CAMTA1: variants seen among roughly 807,000 people sequenced by gnomAD.
CAMTA1 encodes calmodulin binding transcription activator 1.
A neutral mutation model predicts 170.9 loss-of-function variants in CAMTA1; 27 were observed. The ratio of observed to expected loss-of-function variants is 0.16; its 90% CI spans 0.12 to 0.22. The LOEUF is 0.22. Ranked by LOEUF, CAMTA1 falls within the 10% of genes least tolerant of loss-of-function variation. The probability of loss-of-function intolerance (pLI) is 1.00; values close to 1 mark genes in which losing one functional copy is unlikely to be tolerated. For synonymous variants in CAMTA1, 833 were observed against 891.5 expected (o/e 0.93, Z 1.17); for missense variants, 1,619 against 2,217.2 (o/e 0.73, Z 5.42).
At chr1:6,878,443 A>G (rs1382651193) in intron 3 of CAMTA1, among the ~76,000 whole-genome samples, 1 of 152,232 alleles carries the variant, frequency 6.6e-6, no homozygotes, top group African/African-American at 2.4e-5. Context: ...ATACAGTATT[A>G]AATTAGAGGG....
intron 5 of CAMTA1, among the ~76,000 whole-genome samples, chr1:7,282,149 A>G (rs755536376): frequency 8.5e-5 from 13 of 152,178 alleles, no homozygotes; most frequent in Admixed American, 3.3e-4. Context: ...TTTCTGACTC[A>G]TAGACTATAT....
At chr1:7,197,030 A>G (rs983237461) in intron 4 of CAMTA1, among the ~76,000 whole-genome samples, 1 of 152,194 alleles carries the variant, frequency 6.6e-6, no homozygotes, top group Non-Finnish European at 1.5e-5. Context: ...AGAATTTTTA[A>G]TGCATATATA....
At chr1:7,365,521 C>T (rs938124845) in intron 5 of CAMTA1, among the ~76,000 whole-genome samples, 1 of 152,084 alleles carries the variant, frequency 6.6e-6, no homozygotes, top group African/African-American at 2.4e-5. Flanking sequence ...GTCTTCTTTC[C>T]CTAGGCCCCG....
chr1:7,661,284 G>A (rs1053754563), intron 7 of CAMTA1, among the ~76,000 whole-genome samples: 7 of 152,168 alleles, frequency 4.6e-5, no homozygotes, highest in Admixed American at 1.3e-4. Context: ...TGGTCCTCCC[G>A]GCTCGGTGCT....
At chr1:7,616,198 C>A (rs1443444442) in intron 6 of CAMTA1, among the ~76,000 whole-genome samples, 1 of 152,200 alleles carries the variant, frequency 6.6e-6, no homozygotes, top group African/African-American at 2.4e-5. Flanking sequence ...TGAGAGAAAC[C>A]AAAACAGCAG....
At chr1:6,790,282 G>C (rs1640686865) in intron 1 of CAMTA1, among the ~76,000 whole-genome samples, 1 of 151,992 alleles carries the variant, frequency 6.6e-6, no homozygotes, top group Admixed American at 6.6e-5. Flanking sequence ...CAGCAGGAGT[G>C]GGGGTGGTGA....
At chr1:6,897,223 G>A (rs939866966) in intron 3 of CAMTA1, among the ~76,000 whole-genome samples, 3 of 152,168 alleles carry the variant, frequency 2.0e-5, no homozygotes, top group African/African-American at 7.2e-5. Flanking sequence ...GCCTGTTCAG[G>A]ATCAAGATGT....
In CAMTA1 at chr1:7,237,397, G is replaced by A. The variant is rs78455920; in HGVS notation, c.303-12094G>A. 6.7e-3 allele frequency among the ~76,000 whole-genome samples: 1,023 copies of A among 152,304 alleles called. 64 individuals are homozygous for A. The East Asian group carries it at 0.12, about 17-fold the overall frequency. On this transcript the variant is annotated intron_variant, in intron 4 of 22. Coordinates refer to ENST00000303635, the MANE Select transcript of CAMTA1 (RefSeq NM_015215.4). Reference sequence around the variant, plus strand: ...CACTGGAATAGCAGGCTGGGTCTCAGTTGTCTGCACAGATGAAATTGGTGG... The same window carrying A: ...CACTGGAATAGCAGGCTGGGTCTCAATTGTCTGCACAGATGAAATTGGTGG...
intron 1 of CAMTA1, chr1:6,807,105 A>T (rs1367138042): frequency 3.4e-6 from 2 of 589,024 alleles, no homozygotes; most frequent in Non-Finnish European, 6.2e-6. Flanking sequence ...GCAATATGTC[A>T]TAAAGGGATT....
chr1:6,899,586 A>T (rs1676483058), intron 3 of CAMTA1, among the ~76,000 whole-genome samples: 1 of 151,710 alleles, frequency 6.6e-6, no homozygotes, highest in Non-Finnish European at 1.5e-5. Context: ...ACACACACAC[A>T]CACACACAGA....
At chr1:7,184,133 A>C (rs1436051272) in intron 4 of CAMTA1, among the ~76,000 whole-genome samples, 1 of 152,206 alleles carries the variant, frequency 6.6e-6, no homozygotes, top group African/African-American at 2.4e-5. Flanking sequence ...CCGGCACGGA[A>C]AGACAAACTT....
At chr1:7,446,797 C>T (rs1575379302) in intron 5 of CAMTA1, among the ~76,000 whole-genome samples, 1 of 152,214 alleles carries the variant, frequency 6.6e-6, no homozygotes, top group Non-Finnish European at 1.5e-5. Context: ...ATCCCTTCCC[C>T]GGGGCTGTGG....
intron 5 of CAMTA1, among the ~76,000 whole-genome samples, chr1:7,405,752 C>CA (rs34075798): frequency 0.62 from 93,640 of 151,746 alleles, 30,506 homozygotes; most frequent in Middle Eastern, 0.73. Context: ...TATAACACCA[C>CA]ACCGGGTGGA....
chr1:7,391,017 T>A (rs1021077765), intron 5 of CAMTA1, among the ~76,000 whole-genome samples: 11 of 152,148 alleles, frequency 7.2e-5, no homozygotes, highest in Admixed American at 1.3e-4. Context: ...TTTTTTTTTT[T>A]ATGGAGTTTT....
intron 11 of CAMTA1, among the ~76,000 whole-genome samples, chr1:7,698,077 C>G (rs897411490): frequency 3.1e-5 from 1 of 32,632 alleles, no homozygotes; most frequent in Non-Finnish European, 6.2e-5. Flanking sequence ...CACTGTGACC[C>G]CCCCCCCCCC....
chr1:7,096,218 C>G (rs1203285577), intron 4 of CAMTA1, among the ~76,000 whole-genome samples: 1 of 152,174 alleles, frequency 6.6e-6, no homozygotes, highest in Non-Finnish European at 1.5e-5. Context: ...TTCAAAAAGA[C>G]TCCAGTGGCT....
intron 11 of CAMTA1, among the ~76,000 whole-genome samples, chr1:7,702,751 T>C (rs968905839): frequency 6.6e-6 from 1 of 152,148 alleles, no homozygotes; most frequent in Admixed American, 6.6e-5. Context: ...TGCAACTCAA[T>C]GATTTTTCAC....
rs190694892 is a variant in CAMTA1, at chr1:6,921,603, C to G, written c.234+96393C>G. 3.2e-4 allele frequency among the ~76,000 whole-genome samples: 49 copies of G among 152,220 alleles called. 1 individual carries two copies. The highest frequency in any genetic ancestry group is 3.4e-3 in the Middle Eastern group (1 of 294). On this transcript the variant is annotated intron_variant, in intron 3 of 22. Coordinates refer to ENST00000303635, the MANE Select transcript of CAMTA1 (RefSeq NM_015215.4). ...TCACACTGCTGATAAAAGACATACC[C>G]AAGACTGGGCAATTTACGAAAGAAA...
At chr1:7,516,954 G>A (rs1032864064) in intron 6 of CAMTA1, among the ~76,000 whole-genome samples, 6 of 152,016 alleles carry the variant, frequency 3.9e-5, no homozygotes, top group Non-Finnish European at 7.4e-5. Context: ...TTAAAAAAAG[G>A]TAGAATGGTA....
Sources: gnomAD v4.1 joint callset for allele counts (sites outside exome capture counted in the v4.1 genomes callset) on GRCh38, gnomAD v4.1.1 for gene constraint, MANE v1.5 for transcripts, NCBI Gene and HGNC (gene_info 2026-07-23, HGNC 2026-07-21) for gene names.